ZER1: variants seen among roughly 807,000 people sequenced by gnomAD.
The protein encoded by ZER1 is protein zer-1 homolog.
A neutral mutation model predicts 78.8 loss-of-function variants in ZER1; 11 were observed. That is an observed-to-expected ratio of 0.14 (90% CI 0.09 to 0.23). ZER1 has a LOEUF of 0.23. Among genes scored for constraint, ZER1 ranks in the 10% least tolerant of loss-of-function variants. The pLI is 1.00. For missense variants in ZER1, 588 were observed against 996.9 expected, an observed-to-expected ratio of 0.59 and a Z score of 5.52; for synonymous variants, 400 against 407.0, an observed-to-expected ratio of 0.98 and a Z score of 0.21.
Position 128,735,447 on chromosome 9 carries a change from TC to T in ZER1, c.2043-17del. 6.2e-7 allele frequency: 1 copy of T among 1,610,556 alleles called. No homozygotes were observed. The highest frequency in any genetic ancestry group is 8.5e-7 in the Non-Finnish European group (1 of 1,177,812). On this transcript the variant is annotated splice_polypyrimidine_tract_variant and intron_variant, in intron 13 of 15. Coordinates refer to ENST00000291900, the MANE Select transcript of ZER1 (RefSeq NM_006336.4). Reference sequence around the variant, plus strand: ...TTCAAATGACCTGCAGGAAAAGAAATCAAGGTCACTGTGGATGCTGAGGGTG... The same window carrying T: ...TTCAAATGACCTGCAGGAAAAGAAATAAGGTCACTGTGGATGCTGAGGGTG...
chr9:128,762,725 G>T (rs1864089081), intron 1 of ZER1, among the ~76,000 whole-genome samples: 1 of 152,170 alleles, frequency 6.6e-6, no homozygotes, highest in Non-Finnish European at 1.5e-5. Flanking sequence ...CCCGGCCTGG[G>T]TCTCCCACAA....
chr9:128,755,185 G>A lies in ZER1; in HGVS notation c.158+223C>T, dbSNP rs913903249. On this transcript the variant is annotated intron_variant, in intron 2 of 15. Coordinates refer to ENST00000291900, the MANE Select transcript of ZER1 (RefSeq NM_006336.4). The surrounding 1 kb of genome is among the most constrained non-coding windows in gnomAD (Gnocchi z 5.6). ...TGTGTACACACACCCATGCCTTCAC[G>A]TGCACACCCCTCCACACACACACCA... 5.9e-5 allele frequency among the ~76,000 whole-genome samples: 9 copies of A among 151,760 alleles called. No homozygotes were observed. Among genetic ancestry groups the A allele is most frequent in the East Asian group, 1.9e-4 (1 of 5,202 alleles).
In ZER1 at chr9:128,755,638, G is replaced by A; in HGVS notation, c.-73C>T. ...CAACAGTGATTCCTGAATACTCACA[G>A]GATCATTGGCAGAGCCACTGCCTGG... On this transcript the variant is annotated 5_prime_UTR_variant, in exon 2 of 16. Transcript: ENST00000291900. This position sits in a 1 kb window ranked among gnomAD's most constrained non-coding sequence, Gnocchi z 5.6. 6.4e-7 allele frequency: 1 copy of A among 1,565,556 alleles called. No individual in the cohort carries two copies. Among genetic ancestry groups the A allele is most frequent in the Admixed American group, 1.7e-5 (1 of 57,472 alleles).
chr9:128,764,482 A>G (rs780479625), intron 1 of ZER1, among the ~76,000 whole-genome samples: 2 of 152,076 alleles, frequency 1.3e-5, no homozygotes, highest in Non-Finnish European at 2.9e-5. Context: ...TGGAAGAAAC[A>G]CCACCACGTC....
chr9:128,768,547 C>G (rs866923993), intron 1 of ZER1, among the ~76,000 whole-genome samples: 3 of 152,296 alleles, frequency 2.0e-5, no homozygotes, highest in South Asian at 4.1e-4. Context: ...GGATTTGAAC[C>G]AGGTCCGCAG....
intron 13 of ZER1, among the ~76,000 whole-genome samples, chr9:128,736,252 A>C (rs1863074856): frequency 1.4e-5 from 2 of 147,370 alleles, no homozygotes; most frequent in African/African-American, 5.0e-5. Flanking sequence ...GCCCGGCCTA[A>C]ATTTTGTATT....
intron 15 of ZER1, 42 bp from the exon 16 acceptor site, chr9:128,731,436 G>C: frequency 3.7e-6 from 5 of 1,369,740 alleles, no homozygotes; most frequent in Non-Finnish European, 4.1e-6. Context: ...GTGGGCTTGG[G>C]TGGGGGTGAG....
At chr9:128,739,380 G>A (rs1018537862) in intron 13 of ZER1, among the ~76,000 whole-genome samples, 1 of 151,492 alleles carries the variant, frequency 6.6e-6, no homozygotes, top group Admixed American at 6.6e-5. Context: ...GCGGGTGCCT[G>A]TAATCCCAGC....
In ZER1 at chr9:128,732,247, G is replaced by T. The variant is rs1862853919; in HGVS notation, c.2244-853C>A. 6.6e-6 allele frequency among the ~76,000 whole-genome samples: 1 copy of T among 152,224 alleles called. No homozygotes were observed. On this transcript the variant is annotated intron_variant, in intron 15 of 15. Coordinates refer to ENST00000291900, the MANE Select transcript of ZER1 (RefSeq NM_006336.4). The surrounding 1 kb of genome is among the most constrained non-coding windows in gnomAD (Gnocchi z 4.8). ...AGTGACTGTGGTAGGTAACTGGTCAGTCTTACCCAGTGCTTCTCAAATTTC... is the reference window on the plus strand; with the variant it reads ...AGTGACTGTGGTAGGTAACTGGTCATTCTTACCCAGTGCTTCTCAAATTTC...
rs192905286 is a variant in ZER1, at chr9:128,767,642, G to C, written c.-95+3939C>G. ...AAGATGAGCAATGAGTTGTTCCTCC[G>C]GTAAGTGTGTGACCCTAAAGTTCGA... On this transcript the variant is annotated intron_variant, in intron 1 of 15. Coordinates refer to ENST00000291900, the MANE Select transcript of ZER1 (RefSeq NM_006336.4). 1.2e-3 allele frequency among the ~76,000 whole-genome samples: 187 copies of C among 152,220 alleles called. 1 individual carries two copies. The highest frequency in any genetic ancestry group is 4.4e-3 in the African/African-American group (183 of 41,518).
intron 13 of ZER1, among the ~76,000 whole-genome samples, chr9:128,737,557 G>A (rs1311877441): frequency 1.3e-5 from 2 of 152,214 alleles, no homozygotes; most frequent in Non-Finnish European, 2.9e-5. Flanking sequence ...TGATTGGCCA[G>A]TCAGTCACAA....
intron 8 of ZER1, among the ~76,000 whole-genome samples, chr9:128,743,639 C>T (rs1437488830): frequency 2.0e-5 from 3 of 151,990 alleles, no homozygotes; most frequent in African/African-American, 7.2e-5. Context: ...AGGCTGGCCT[C>T]TACTTCCTGG....
At chr9:128,741,120 C>G (rs974330939) in intron 11 of ZER1, among the ~76,000 whole-genome samples, 49 of 152,146 alleles carry the variant, frequency 3.2e-4, no homozygotes, top group African/African-American at 1.1e-3. Context: ...AGAGATCTGA[C>G]CTATGGGACA....
In ZER1 at chr9:128,756,779, T is replaced by C. The variant is rs568163375; in HGVS notation, c.-94-1120A>G. ...TGTATGGAGTTTCTTTTTGGGGTGATGAAAATGGTCTAAAATTGACAGTGG... is the reference window on the plus strand; with the variant it reads ...TGTATGGAGTTTCTTTTTGGGGTGACGAAAATGGTCTAAAATTGACAGTGG... On this transcript the variant is annotated intron_variant, in intron 1 of 15. Transcript: ENST00000291900. Among the ~76,000 whole-genome samples the C allele has an allele frequency of 1.5e-4, 23 of 152,256 alleles. No individual in the cohort carries two copies. In the South Asian group the frequency reaches 4.4e-3, roughly 29 times the overall value.
rs1462767707 is a variant in ZER1, at chr9:128,752,729, G to A, written c.867C>T (p.His289=). Residue 289 remains histidine, a synonymous_variant, in exon 5 of 16, where the codon CAC becomes CAT. Coordinates refer to ENST00000291900, the MANE Select transcript of ZER1 (RefSeq NM_006336.4). ...AGATGCTGCAGTTCTCTAGGATCAT[G>A]TGGCCAGAGATGTCCAGGGACATTA... ...GNLMSLDISG[H]MILENCSISK... The A allele has an allele frequency of 1.2e-6, 2 of 1,614,096 alleles. No homozygotes were observed. The highest frequency in any genetic ancestry group is 2.2e-5 in the East Asian group (1 of 44,902).
At chr9:128,760,360 G>A (rs1453031445) in intron 1 of ZER1, among the ~76,000 whole-genome samples, 1 of 151,962 alleles carries the variant, frequency 6.6e-6, no homozygotes, top group East Asian at 1.9e-4. Flanking sequence ...GTGCCACCAC[G>A]CCCGGCTAAT....
chr9:128,741,699 G>A (rs748093323), intron 10 of ZER1, 45 bp from the exon 11 acceptor site: 6 of 1,613,964 alleles, frequency 3.7e-6, no homozygotes, highest in Non-Finnish European at 5.1e-6. Flanking sequence ...TGGTACCCGG[G>A]GAGGGGGGCC....
chr9:128,762,386 C>G (rs1219771939), intron 1 of ZER1, among the ~76,000 whole-genome samples: 1 of 152,224 alleles, frequency 6.6e-6, no homozygotes, highest in Non-Finnish European at 1.5e-5. Context: ...TCAACTGTGG[C>G]ACCACTGTCT....
chr9:128,743,730 TTA>T (rs1426810783), intron 8 of ZER1, among the ~76,000 whole-genome samples: 1 of 151,570 alleles, frequency 6.6e-6, no homozygotes, highest in East Asian at 1.9e-4. Context: ...CCTGCTTTCT[TTA>T]ATTTTATTTA....
Sources: allele counts gnomAD v4.1 joint callset (sites outside exome capture counted in the v4.1 genomes callset), GRCh38; gene constraint gnomAD v4.1.1; non-coding constraint Gnocchi (gnomAD v3.1); transcripts MANE v1.5; gene names NCBI Gene and HGNC (gene_info 2026-07-23, HGNC 2026-07-21).